IGSF10: variants seen among roughly 807,000 people sequenced by gnomAD.
IGSF10 encodes calvaria mechanical force protein 608.
IGSF10 carries 126 observed loss-of-function variants against 128.2 expected under a neutral mutation model. The ratio of observed to expected loss-of-function variants is 0.98; its 90% CI spans 0.85 to 1.14. The LOEUF is 1.14. Ranked by LOEUF, IGSF10 falls within the 50% of genes most tolerant of loss-of-function variation. The pLI is 0.00. For missense variants in IGSF10, 3,295 were observed against 3,149.8 expected (o/e 1.05, Z -1.10); for synonymous variants, 1,185 against 1,146.2 (o/e 1.03, Z -0.68).
chr3:151,502,372 G>A, the IGSF10 span, among the ~76,000 whole-genome samples: 1 of 151,960 alleles, frequency 6.6e-6, no homozygotes, highest in Admixed American at 6.6e-5. Context: ...TCAAGTGTAA[G>A]GGAAGATGGG....
intron 3 of IGSF10, 145 bp downstream of exon 3, chr3:151,458,371 A>T (rs759286625): frequency 2.0e-5 from 12 of 592,342 alleles, no homozygotes; most frequent in African/African-American, 3.8e-5. Flanking sequence ...GCCCCCAACA[A>T]ACAAAATTCT....
At chr3:151,509,864 A>C in the IGSF10 span, among the ~76,000 whole-genome samples, 1 of 152,160 alleles carries the variant, frequency 6.6e-6, no homozygotes. Flanking sequence ...ACACCCACAG[A>C]GCCTCCCTCA....
chr3:151,482,886 ATACAGTC>A, the IGSF10 span, among the ~76,000 whole-genome samples: 6 of 143,694 alleles, frequency 4.2e-5, no homozygotes, highest in South Asian at 1.4e-3. Flanking sequence ...GAATGGGATG[ATACAGTC>A]TAAGTGTTTT....
chr3:151,601,432 C>T, the IGSF10 span, among the ~76,000 whole-genome samples: 2 of 152,162 alleles, frequency 1.3e-5, no homozygotes, highest in Admixed American at 6.5e-5. Context: ...AAAGTACACA[C>T]GCACACACAC....
At chr3:151,474,011 G>C in the IGSF10 span, among the ~76,000 whole-genome samples, 72 of 152,010 alleles carry the variant, frequency 4.7e-4, no homozygotes, top group Admixed American at 2.0e-4. Flanking sequence ...TGGGGTATCA[G>C]TTGTATGGAA....
chr3:151,541,626 CAT>C, the IGSF10 span, among the ~76,000 whole-genome samples: 589 of 152,186 alleles, frequency 3.9e-3, 15 homozygotes, highest in East Asian at 0.075. Flanking sequence ...TCTCTCTCTG[CAT>C]ATGTTTTAGT....
chr3:151,493,990 G>T, the IGSF10 span, among the ~76,000 whole-genome samples: 1 of 151,864 alleles, frequency 6.6e-6, no homozygotes. Flanking sequence ...TAGAACTCAA[G>T]AGCATTGTAA....
At chr3:151,470,103 CT>C in the IGSF10 span, among the ~76,000 whole-genome samples, 1 of 152,186 alleles carries the variant, frequency 6.6e-6, no homozygotes, top group Admixed American at 6.5e-5. Flanking sequence ...TACCAAAGCC[CT>C]TTCTATTTTT....
the IGSF10 span, among the ~76,000 whole-genome samples, chr3:151,533,368 A>C: frequency 6.6e-6 from 1 of 152,180 alleles, no homozygotes; most frequent in African/African-American, 2.4e-5. Context: ...ATCTAAGCTA[A>C]AAGAAAGCTG....
In IGSF10 at chr3:151,448,858, A is replaced by AC; in HGVS notation, c.1122dup (p.Trp375ValfsTer9). On this transcript the variant is annotated frameshift_variant, in exon 6 of 8. Coordinates refer to ENST00000282466, the MANE Select transcript of IGSF10 (RefSeq NM_178822.5). LOFTEE classifies it high-confidence loss of function. ...TCACTGTACAAAGCCAAAATTTGCC[A>AC]CACTGGCTGAATGTGACCGTAATCT... is the stretch of plus-strand genomic sequence containing the variant. 6.2e-7 allele frequency: 1 copy of AC among 1,614,020 alleles called. No individual in the cohort carries two copies. Among genetic ancestry groups the AC allele is most frequent in the Admixed American group, 1.7e-5 (1 of 60,024 alleles).
chr3:151,601,615 A>G, the IGSF10 span, among the ~76,000 whole-genome samples: 3 of 152,208 alleles, frequency 2.0e-5, no homozygotes, highest in African/African-American at 7.2e-5. Flanking sequence ...ATAAAGTTTC[A>G]TGAGGTTTAA....
chr3:151,611,243 C>T, the IGSF10 span, among the ~76,000 whole-genome samples: 1 of 152,122 alleles, frequency 6.6e-6, no homozygotes, highest in Admixed American at 6.5e-5. Context: ...TAAATGATAT[C>T]CCTATAAAAT....
upstream of IGSF10, chr3:151,461,357 C>T: frequency 2.0e-5 from 20 of 985,368 alleles, no homozygotes; most frequent in Non-Finnish European, 2.4e-5. Flanking sequence ...TAAATCGCCG[C>T]AGGCTGTCCT....
the IGSF10 span, among the ~76,000 whole-genome samples, chr3:151,521,242 G>A: frequency 0.013 from 1,924 of 151,902 alleles, 16 homozygotes; most frequent in South Asian, 0.03. Flanking sequence ...GAGACCTACA[G>A]AGAGACATAG....
rs1456906973 is a variant in IGSF10, at chr3:151,458,638, AG to A, written c.71del (p.Pro24LeufsTer25). Reference protein sequence around the residue: ...SFAVICLVATPGGKACPRRCA... With the variant: ...SFAVICLVATXGGKACPRRCA... Reference sequence around the variant, plus strand: ...AGCGGCGAGGACAGGCCTTGCCCCCAGGGGTGGCGACCAGGCAGATCACAGC... The same window carrying A: ...AGCGGCGAGGACAGGCCTTGCCCCCAGGGTGGCGACCAGGCAGATCACAGC... On this transcript the variant is annotated frameshift_variant, in exon 3 of 8. Transcript: ENST00000282466. LOFTEE classifies it high-confidence loss of function. The A allele has an allele frequency of 6.2e-7, 1 of 1,614,174 alleles. No homozygotes were observed. The highest frequency in any genetic ancestry group is 1.3e-5 in the African/African-American group (1 of 75,046).
chr3:151,448,482 T>TG lies in IGSF10; in HGVS notation c.1498dup (p.Gln500ProfsTer14), dbSNP rs769240197. 3 of 1,614,220 alleles carry TG rather than the reference T, an allele frequency of 1.9e-6. No homozygotes were observed. The highest frequency in any genetic ancestry group is 2.5e-6 in the Non-Finnish European group (3 of 1,180,050). ...ATCCACGTGTGGGGTGGGGTCTCCTTGGCCTGGGCAGTTCAGGCCAACGGT... is the reference window on the plus strand; with the variant it reads ...ATCCACGTGTGGGGTGGGGTCTCCTTGGGCCTGGGCAGTTCAGGCCAACGGT... On this transcript the variant is annotated frameshift_variant, in exon 6 of 8. Coordinates refer to ENST00000282466, the MANE Select transcript of IGSF10 (RefSeq NM_178822.5). LOFTEE classifies it high-confidence loss of function.
chr3:151,534,973 G>A, the IGSF10 span, among the ~76,000 whole-genome samples: 1 of 151,832 alleles, frequency 6.6e-6, no homozygotes, highest in South Asian at 2.1e-4. Flanking sequence ...ACTGATAAGG[G>A]ATCCAATACC....
At chr3:151,546,514 ATT>A in the IGSF10 span, among the ~76,000 whole-genome samples, 44 of 142,706 alleles carry the variant, frequency 3.1e-4, no homozygotes, top group Middle Eastern at 3.7e-3. Context: ...TGCCTGGCTA[ATT>A]TTTTTTTTTT....
the IGSF10 span, among the ~76,000 whole-genome samples, chr3:151,500,852 G>C: frequency 6.6e-6 from 1 of 152,034 alleles, no homozygotes; most frequent in African/African-American, 2.4e-5. Flanking sequence ...CAGATCTTGA[G>C]TTCCCTCTTA....
Sources: allele counts gnomAD v4.1 joint callset (sites outside exome capture counted in the v4.1 genomes callset), GRCh38; gene constraint gnomAD v4.1.1; transcripts MANE v1.5; gene names NCBI Gene and HGNC (gene_info 2026-07-23, HGNC 2026-07-21).